The following NELL2 variants were observed in gnomAD, a reference collection of about 807,000 sequenced individuals.
NELL2 encodes the protein protein kinase C-binding protein NELL2.
Under a neutral mutation model 109.6 loss-of-function variants are expected in NELL2, and 41 were observed. The ratio of observed to expected loss-of-function variants is 0.37; its 90% CI spans 0.29 to 0.49. The LOEUF is 0.49. Ranked by LOEUF, NELL2 falls within the 20% of genes least tolerant of loss-of-function variation. The pLI, the probability that NELL2 is intolerant of heterozygous loss-of-function variation, is 0.98. For synonymous variants in NELL2, 355 were observed against 344.7 expected, an observed-to-expected ratio of 1.03 and a Z score of -0.33; for missense variants, 900 against 1,008.3, an observed-to-expected ratio of 0.89 and a Z score of 1.45.
intron 13 of NELL2, among the ~76,000 whole-genome samples, chr12:44,623,678 C>T (rs1720045818): frequency 6.6e-6 from 1 of 152,128 alleles, no homozygotes; most frequent in African/African-American, 2.4e-5. Context: ...TCATCATTCT[C>T]TTTCCCTGGT....
chr12:44,754,506 T>C (rs974600173), intron 9 of NELL2, among the ~76,000 whole-genome samples: 1 of 152,214 alleles, frequency 6.6e-6, no homozygotes, highest in African/African-American at 2.4e-5. Context: ...TTTCTTTTAT[T>C]TCAACTGCCA....
chr12:44,893,343 T>A (rs1199187488), intron 1 of NELL2, among the ~76,000 whole-genome samples: 1 of 152,180 alleles, frequency 6.6e-6, no homozygotes, highest in African/African-American at 2.4e-5. Flanking sequence ...ATACATCAAG[T>A]CATTTTCAAT....
intron 1 of NELL2, among the ~76,000 whole-genome samples, chr12:44,910,440 T>C (rs1402759588): frequency 6.6e-6 from 1 of 151,782 alleles, no homozygotes; most frequent in South Asian, 2.1e-4. Context: ...AAGGCTATTA[T>C]TAAAAACTCA....
intron 15 of NELL2, among the ~76,000 whole-genome samples, chr12:44,541,633 G>A (rs1203281583): frequency 1.3e-5 from 2 of 151,994 alleles, no homozygotes; most frequent in African/African-American, 4.8e-5. Context: ...AAATCAATGG[G>A]AGAAAAATAT....
intron 13 of NELL2, among the ~76,000 whole-genome samples, chr12:44,639,462 C>T (rs1592251023): frequency 6.6e-6 from 1 of 152,186 alleles, no homozygotes; most frequent in East Asian, 1.9e-4. Context: ...TATTTCCTAA[C>T]AAGACCTTAA....
intron 3 of NELL2, among the ~76,000 whole-genome samples, chr12:44,799,259 G>C (rs780669819): frequency 6.6e-6 from 1 of 151,820 alleles, no homozygotes; most frequent in Admixed American, 6.6e-5. Flanking sequence ...TGCCCGGCCC[G>C]ATTTCCACTT....
At chr12:44,717,253 G>A (rs1457230660) in intron 9 of NELL2, among the ~76,000 whole-genome samples, 1 of 152,042 alleles carries the variant, frequency 6.6e-6, no homozygotes, top group African/African-American at 2.4e-5. Context: ...AACACTGCAA[G>A]GAATCATAAA....
At chr12:44,921,485 GT>G (rs1359048771) in intron 1 of NELL2, among the ~76,000 whole-genome samples, 4 of 152,170 alleles carry the variant, frequency 2.6e-5, no homozygotes, top group Admixed American at 2.6e-4. Context: ...GGCTTGAATT[GT>G]GGCTCCAGCT....
chr12:44,634,507 C>CT (rs1044450741), intron 13 of NELL2, among the ~76,000 whole-genome samples: 13 of 152,116 alleles, frequency 8.5e-5, no homozygotes, highest in African/African-American at 3.1e-4. Context: ...GAACTCATCC[C>CT]TTTTTATGGC....
At position 44,611,004 on chromosome 12, in the gene NELL2, T is replaced by C. The variant is rs569496359; in HGVS notation, c.1445-34A>G. On this transcript the variant is annotated intron_variant, in intron 13 of 19. Transcript: ENST00000429094. ...AGGAATACAATTTTGTTACTCAAAG[T>C]TATATTTCCAAAGCTATATTTTAAA... is the stretch of plus-strand genomic sequence containing the variant. 1.1e-5 allele frequency: 17 copies of C among 1,605,118 alleles called. No individual in the cohort carries two copies. The East Asian group carries it at 3.1e-4, about 30-fold the overall frequency.
intron 2 of NELL2, among the ~76,000 whole-genome samples, chr12:44,867,700 T>C (rs973087787): frequency 5.9e-5 from 9 of 152,190 alleles, no homozygotes; most frequent in African/African-American, 1.4e-4. Context: ...CTGCTTGCAT[T>C]TGACATCATC....
intron 3 of NELL2, among the ~76,000 whole-genome samples, chr12:44,791,542 G>T (rs1223522953): frequency 6.6e-6 from 1 of 151,774 alleles, no homozygotes; most frequent in East Asian, 1.9e-4. Context: ...TTGGACCACA[G>T]TAGTAGTGGT....
At chr12:44,896,368 T>G (rs1336174679) in intron 1 of NELL2, among the ~76,000 whole-genome samples, 3 of 152,194 alleles carry the variant, frequency 2.0e-5, no homozygotes, top group Non-Finnish European at 4.4e-5. Context: ...ATGGGAAATT[T>G]CTAACATCTC....
At chr12:44,684,108 T>C (rs933867831) in intron 12 of NELL2, among the ~76,000 whole-genome samples, 17 of 152,232 alleles carry the variant, frequency 1.1e-4, no homozygotes, top group African/African-American at 3.9e-4. Flanking sequence ...CTGTTATTGG[T>C]CTATTCAGAG....
At chr12:44,582,252 T>C (rs956838506) in intron 15 of NELL2, among the ~76,000 whole-genome samples, 5 of 152,096 alleles carry the variant, frequency 3.3e-5, no homozygotes, top group African/African-American at 1.2e-4. Context: ...CTTTTGAGAT[T>C]TGTGCTCATG....
chr12:44,521,546 G>C (rs1941540325), intron 18 of NELL2, among the ~76,000 whole-genome samples: 1 of 143,244 alleles, frequency 7.0e-6, no homozygotes, highest in Admixed American at 6.8e-5. Flanking sequence ...AAAAAAAGAA[G>C]GTTGCGGTGG....
At chr12:44,562,009 A>G (rs891395787) in intron 15 of NELL2, among the ~76,000 whole-genome samples, 2 of 152,202 alleles carry the variant, frequency 1.3e-5, no homozygotes, top group Non-Finnish European at 2.9e-5. Flanking sequence ...CCTCAGAAAT[A>G]ACGTCACATA....
intron 15 of NELL2, among the ~76,000 whole-genome samples, chr12:44,601,009 A>G (rs1232683160): frequency 1.3e-5 from 2 of 152,168 alleles, no homozygotes; most frequent in East Asian, 1.9e-4. Context: ...TCAAAGGCAC[A>G]ATACAAGTTA....
intron 9 of NELL2, among the ~76,000 whole-genome samples, chr12:44,759,568 T>C (rs1055228792): frequency 2.0e-5 from 3 of 152,168 alleles, no homozygotes; most frequent in Non-Finnish European, 2.9e-5. Flanking sequence ...AAGCCCAGCA[T>C]GATTGAAGAA....
Sources: gnomAD v4.1 joint callset for allele counts (sites outside exome capture counted in the v4.1 genomes callset) on GRCh38, gnomAD v4.1.1 for gene constraint, MANE v1.5 for transcripts, NCBI Gene and HGNC (gene_info 2026-07-23, HGNC 2026-07-21) for gene names.